MAP3K3: variants seen among roughly 807,000 people sequenced by gnomAD.
MAP3K3 encodes mitogen-activated protein kinase kinase kinase 3.
In MAP3K3, 12 loss-of-function variants were observed where a neutral mutation model predicts 80.9. That is an observed-to-expected ratio of 0.15 (90% CI 0.10 to 0.24). The LOEUF is 0.24. Ranked by LOEUF, MAP3K3 falls within the 10% of genes least tolerant of loss-of-function variation. The pLI, the probability that MAP3K3 is intolerant of heterozygous loss-of-function variation, is 1.00. For missense variants in MAP3K3, 596 were observed against 834.7 expected (o/e 0.71, Z 3.52); for synonymous variants, 272 against 307.1 (o/e 0.89, Z 1.19).
In MAP3K3 at chr17:63,681,787, G is replaced by A. The variant is rs777960277; in HGVS notation, c.524G>A (p.Ser175Asn). 9.8e-6 allele frequency: 15 copies of A among 1,526,768 alleles called. No individual in the cohort carries two copies. The highest frequency in any genetic ancestry group is 1.3e-5 in the Non-Finnish European group (15 of 1,131,888). The allele number at this position is 1,526,768 out of a possible 1,614,324, so 94.6% of individuals were successfully genotyped here. ...LSVSSQNPGR[S>N]SPPPGYVPER... The stretch of plus-strand genomic sequence containing the variant: ...CTAGGCTCCCAGAACCCTGGCCGAA[G>A]CTCACCTCCCCCTGGCTATGTTCCT... Residue 175 changes from serine to asparagine, a missense_variant, in exon 7 of 16, where the codon AGC (serine) becomes AAC (asparagine). Around this residue, in one of 2 missense-constraint regions of MAP3K3, gnomAD observed 232 missense variants for 245.8 expected, o/e 0.94. Transcript: ENST00000361733.
chr17:63,687,466 C>T (rs1267224862), intron 8 of MAP3K3, among the ~76,000 whole-genome samples: 2 of 148,904 alleles, frequency 1.3e-5, no homozygotes, highest in African/African-American at 2.5e-5. Flanking sequence ...GAACCCAGAT[C>T]GCCCCATTGC....
intron 2 of MAP3K3, among the ~76,000 whole-genome samples, chr17:63,645,298 G>T: frequency 6.6e-6 from 1 of 151,402 alleles, no homozygotes; most frequent in Non-Finnish European, 1.5e-5. Flanking sequence ...GTGACACTCC[G>T]TCTCAAAAAA....
intron 2 of MAP3K3, among the ~76,000 whole-genome samples, chr17:63,633,321 GA>G (rs2034257036): frequency 6.6e-6 from 1 of 152,062 alleles, no homozygotes; most frequent in Non-Finnish European, 1.5e-5. Context: ...CTGTTATGGG[GA>G]CAGTATTCAT....
At chr17:63,655,567 T>A (rs2034749787) in intron 4 of MAP3K3, among the ~76,000 whole-genome samples, 1 of 152,198 alleles carries the variant, frequency 6.6e-6, no homozygotes, top group Non-Finnish European at 1.5e-5. Context: ...CATGGCTCAC[T>A]GCAGCCTTGA....
At chr17:63,666,835 GA>G in intron 5 of MAP3K3, 104 bp from the exon 6 acceptor site, 1 of 1,274,846 alleles carries the variant, frequency 7.8e-7, no homozygotes, top group Non-Finnish European at 1.1e-6. Context: ...TTAAAAGCAT[GA>G]AGGTGGCTGA....
chr17:63,686,704 G>A (rs2035457134), intron 8 of MAP3K3, among the ~76,000 whole-genome samples: 1 of 152,072 alleles, frequency 6.6e-6, no homozygotes, highest in Admixed American at 6.6e-5. Flanking sequence ...ATTCAGGTGG[G>A]TGCTGGGAAA....
At chr17:63,639,787 T>G (rs2143242305) in intron 2 of MAP3K3, among the ~76,000 whole-genome samples, 1 of 152,284 alleles carries the variant, frequency 6.6e-6, no homozygotes. Context: ...TGGAAAGTTG[T>G]AGGAGATCAG....
In MAP3K3 at chr17:63,693,837, G is replaced by T. The variant is rs941517706; in HGVS notation, c.*60G>T. The T allele has an allele frequency of 7.6e-6, 11 of 1,449,676 alleles. No homozygotes were observed. Among genetic ancestry groups the T allele is most frequent in the African/African-American group, 1.4e-5 (1 of 69,548 alleles). 89.8% of individuals were successfully genotyped at this position (1,449,676 alleles called of 1,614,324 possible). A position where few individuals can be genotyped will look rare whatever the true frequency, so the allele number is the denominator to read the frequency against. ...GCTGCATGGCAGGGGGCTGCTGCTGGGCTCAGTGAAGTTGCTGCTTCTCCC... is the reference window on the plus strand; with the variant it reads ...GCTGCATGGCAGGGGGCTGCTGCTGTGCTCAGTGAAGTTGCTGCTTCTCCC... On this transcript the variant is annotated 3_prime_UTR_variant, in exon 16 of 16. Transcript: ENST00000361733. This position sits in a 1 kb window ranked among gnomAD's most constrained non-coding sequence, Gnocchi z 4.2.
intron 1 of MAP3K3, among the ~76,000 whole-genome samples, chr17:63,625,216 G>T (rs1377208646): frequency 1.3e-5 from 2 of 152,100 alleles, no homozygotes; most frequent in Non-Finnish European, 2.9e-5. Flanking sequence ...AAACATGTCA[G>T]ATTTTATATT....
intron 11 of MAP3K3, 196 bp from the exon 12 acceptor site, chr17:63,690,068 C>G (rs1179375840): frequency 3.2e-6 from 2 of 628,782 alleles, no homozygotes; most frequent in Admixed American, 3.0e-5. Context: ...CAATCCTCTG[C>G]TTCTTAGGAC....
chr17:63,682,567 T>G (rs1169658299), intron 7 of MAP3K3: 1 of 151,526 alleles, frequency 6.6e-6, no homozygotes, highest in East Asian at 1.9e-4. Context: ...GGCTCTTTTC[T>G]AAGCTCAGAT....
chr17:63,683,882 C>T (rs1425564602), intron 7 of MAP3K3, among the ~76,000 whole-genome samples: 4 of 151,984 alleles, frequency 2.6e-5, no homozygotes, highest in Admixed American at 6.6e-5. Context: ...TCAGTCCGGT[C>T]GCAGTGGCTC....
chr17:63,674,675 T>G (rs192760757), intron 6 of MAP3K3, among the ~76,000 whole-genome samples: 4 of 151,876 alleles, frequency 2.6e-5, no homozygotes, highest in African/African-American at 7.2e-5. Flanking sequence ...GCTAGAGATA[T>G]GAGGAAGTGT....
At chr17:63,677,395 A>G (rs2035240622) in intron 6 of MAP3K3, among the ~76,000 whole-genome samples, 1 of 152,246 alleles carries the variant, frequency 6.6e-6, no homozygotes, top group Non-Finnish European at 1.5e-5. Context: ...GGAAGCAGGC[A>G]GTAGGCTAAT....
intron 1 of MAP3K3, among the ~76,000 whole-genome samples, chr17:63,629,477 G>A (rs1025249718): frequency 9.9e-5 from 15 of 152,266 alleles, no homozygotes; most frequent in African/African-American, 3.4e-4. Context: ...CACATTGGAG[G>A]AGTGCTGATA....
At chr17:63,643,507 G>T (rs1048610208) in intron 2 of MAP3K3, among the ~76,000 whole-genome samples, 1 of 151,894 alleles carries the variant, frequency 6.6e-6, no homozygotes, top group African/African-American at 2.4e-5. Context: ...GTAAGACCCT[G>T]TCTCAATAAT....
intron 2 of MAP3K3, 111 bp downstream of exon 2, chr17:63,632,913 C>A: frequency 7.2e-7 from 1 of 1,385,982 alleles, no homozygotes; most frequent in South Asian, 1.3e-5. Context: ...TGCTTTTGAC[C>A]CCTTCCTTTC....
chr17:63,624,650 G>C (rs1487644499), intron 1 of MAP3K3, among the ~76,000 whole-genome samples: 1 of 152,230 alleles, frequency 6.6e-6, no homozygotes, highest in Non-Finnish European at 1.5e-5. Flanking sequence ...CCTCCTGTCA[G>C]TTTTACGTGA....
rs77546989 is a variant in MAP3K3 at position 63,683,456 on chromosome 17, A to C, written c.636+1557A>C. Among the ~76,000 whole-genome samples the C allele has an allele frequency of 8.1e-4, 123 of 152,246 alleles. 2 individuals are homozygous for C. The East Asian group carries it at 0.023, about 29-fold the overall frequency. On this transcript the variant is annotated intron_variant, in intron 7 of 15. Coordinates refer to ENST00000361733, the MANE Select transcript of MAP3K3 (RefSeq NM_002401.5). The stretch of plus-strand genomic sequence containing the variant: ...AGATGAGCTTGATTGCCCTCAGTCT[A>C]TGTCCCTCGCCATGGTCCTATACTC...
Sources: gnomAD v4.1 joint callset for allele counts (sites outside exome capture counted in the v4.1 genomes callset) on GRCh38, gnomAD v4.1.1 for gene constraint, gnomAD v4.1.1 regional missense constraint, Gnocchi (gnomAD v3.1) non-coding constraint, MANE v1.5 for transcripts, NCBI Gene and HGNC (gene_info 2026-07-23, HGNC 2026-07-21) for gene names.